The following THOC2 variants were observed in gnomAD, a reference collection of about 807,000 sequenced individuals.
The protein encoded by THOC2 is THO complex subunit 2.
In THOC2, 10 loss-of-function variants were observed where a neutral mutation model predicts 128.4. The ratio of observed to expected loss-of-function variants is 0.08; its 90% CI spans 0.05 to 0.13. The LOEUF (loss-of-function observed/expected upper bound fraction) is 0.13, where lower values mean the gene tolerates loss of function less well. Among genes scored for constraint, THOC2 ranks in the 10% least tolerant of loss-of-function variants. The pLI, the probability that THOC2 is intolerant of heterozygous loss-of-function variation, is 1.00. For missense variants in THOC2, 535 were observed against 1,155.7 expected (o/e 0.46, Z 7.79); for synonymous variants, 393 against 396.9 (o/e 0.99, Z 0.12).
intron 1 of THOC2, among the ~76,000 whole-genome samples, chrX:123,730,520 T>C (rs2052196489): frequency 1.8e-5 from 2 of 112,522 alleles, no homozygotes; most frequent in Non-Finnish European, 3.7e-5. Context: ...ATAAGAACTA[T>C]GACAGATAGC....
Position 123,621,532 on chromosome X carries a change from T to C in THOC2, c.3841A>G (p.Lys1281Glu). The change falls in exon 31 of 39, where the codon AAA (lysine) becomes GAA (glutamate). Residue 1281 changes from lysine (K) to glutamate (E), a missense_variant. This residue lies in a region of THOC2 where 116 missense variants were observed against 180.0 expected (regional missense o/e 0.64). Coordinates refer to ENST00000245838, the MANE Select transcript of THOC2 (RefSeq NM_001081550.2). Reference sequence around the variant, plus strand: ...GTAGTAGCTGGAGTCTTTTCTTTTTTCTCTTTTTCTTTCTCTTTCCCTTTT... The same window carrying C: ...GTAGTAGCTGGAGTCTTTTCTTTTTCCTCTTTTTCTTTCTCTTTCCCTTTT... ...KEKGKEKEKE[K>E]KEKTPATTPE... 1 of 1,178,148 alleles carries C rather than the reference T, an allele frequency of 8.5e-7. No individual in the cohort carries two copies. The highest frequency in any genetic ancestry group is 1.1e-6 in the Non-Finnish European group (1 of 883,106).
At chrX:123,669,563 G>A (rs1569403043) in intron 9 of THOC2, among the ~76,000 whole-genome samples, 3 of 111,232 alleles carry the variant, frequency 2.7e-5, no homozygotes, top group East Asian at 2.8e-4. Flanking sequence ...TGATCTGCCC[G>A]CCTTGGCCTC....
chrX:123,695,886 G>A, intron 7 of THOC2, 135 bp downstream of exon 7: 1 of 403,160 alleles, frequency 2.5e-6, no homozygotes. Flanking sequence ...AAAAGTAAAA[G>A]CTAAACACCT....
Position 123,621,513 on chromosome X carries a change from G to A in THOC2, c.3860C>T (p.Ala1287Val), listed in dbSNP as rs1158864651. The A allele has an allele frequency of 8.4e-7, 1 of 1,187,489 alleles. No individual in the cohort carries two copies. The highest frequency in any genetic ancestry group is 1.1e-6 in the Non-Finnish European group (1 of 888,604). Residue 1287 changes from alanine to valine, a missense_variant, in exon 31 of 39, where the codon GCT becomes GTT. Physicochemically the swap from Ala to Val is moderately conservative, Grantham distance 64. Coordinates refer to ENST00000245838, the MANE Select transcript of THOC2 (RefSeq NM_001081550.2). Reference sequence around the variant, plus strand: ...AAGTACCCTGGCCTCTGGAGTAGTAGCTGGAGTCTTTTCTTTTTTCTCTTT... The same window carrying A: ...AAGTACCCTGGCCTCTGGAGTAGTAACTGGAGTCTTTTCTTTTTTCTCTTT... ...KEKEKKEKTP[A>V]TTPEARVLGK...
At position 123,673,356 on chromosome X, in the gene THOC2, A is replaced by G. The variant is rs772928180; in HGVS notation, c.769-1595T>C. On this transcript the variant is annotated intron_variant, in intron 8 of 38. Coordinates refer to ENST00000245838, the MANE Select transcript of THOC2 (RefSeq NM_001081550.2). ...TCCATCTCAAAATAATTTTAAAAAC[A>G]TGTAAAAATAAATGCTTATAAATGG... Among the ~76,000 whole-genome samples, 9 of 112,286 alleles carry G rather than the reference A, an allele frequency of 8.0e-5. No homozygotes were observed. In the East Asian group the frequency reaches 2.5e-3, roughly 31 times the overall value.
chrX:123,664,838 T>C (rs1223807451), intron 12 of THOC2, among the ~76,000 whole-genome samples: 1 of 110,326 alleles, frequency 9.1e-6, no homozygotes, highest in Non-Finnish European at 1.9e-5. Context: ...TCCGTATGTA[T>C]GTTTTATTTC....
chrX:123,709,649 A>G (rs1427702690), intron 2 of THOC2, among the ~76,000 whole-genome samples: 5 of 111,536 alleles, frequency 4.5e-5, no homozygotes, highest in Non-Finnish European at 9.4e-5. Flanking sequence ...CGGGGTTTGA[A>G]TGTTGAAGAC....
intron 12 of THOC2, among the ~76,000 whole-genome samples, chrX:123,645,831 G>A (rs967198534): frequency 3.6e-5 from 4 of 111,279 alleles, no homozygotes; most frequent in South Asian, 3.8e-4. Context: ...GCATGGTGGC[G>A]CACACCTGTA....
At chrX:123,641,010 G>A (rs2047891082) in intron 15 of THOC2, among the ~76,000 whole-genome samples, 1 of 111,872 alleles carries the variant, frequency 8.9e-6, no homozygotes, top group South Asian at 3.7e-4. Context: ...TTGGTGTCAT[G>A]CAATGAAATG....
intron 12 of THOC2, among the ~76,000 whole-genome samples, chrX:123,660,987 A>G (rs1342309720): frequency 2.7e-5 from 3 of 112,600 alleles, no homozygotes; most frequent in Non-Finnish European, 5.6e-5. Context: ...ATTCAGCCAT[A>G]AAAAAGAATG....
chrX:123,634,160 T>A, intron 19 of THOC2, 90 bp from the exon 20 acceptor site: 1 of 459,653 alleles, frequency 2.2e-6, no homozygotes, highest in Non-Finnish European at 3.5e-6. Flanking sequence ...GAGAAACCCT[T>A]AATTATTTGT....
At chrX:123,615,455 G>A (rs1023789577) in intron 33 of THOC2, among the ~76,000 whole-genome samples, 20 of 110,680 alleles carry the variant, frequency 1.8e-4, no homozygotes, top group Admixed American at 3.8e-4. Context: ...GCAAGAGAAC[G>A]ATAGTCATAA....
At chrX:123,628,640 G>C (rs1363200167) in intron 22 of THOC2, among the ~76,000 whole-genome samples, 3 of 109,116 alleles carry the variant, frequency 2.7e-5, no homozygotes, top group African/African-American at 1.0e-4. Context: ...GAACCCCAGA[G>C]GCAGAAGTTG....
rs1412981435 is a variant in THOC2 at position 123,668,328 on chromosome X, A to G, written c.862-14T>C. The G allele has an allele frequency of 8.8e-7, 1 of 1,140,662 alleles. No homozygotes were observed. Among genetic ancestry groups the G allele is most frequent in the Admixed American group, 2.6e-5 (1 of 38,584 alleles). 94.0% of individuals were successfully genotyped at this position (1,140,662 alleles called of 1,213,427 possible). A position where few individuals can be genotyped will look rare whatever the true frequency, so the allele number is the denominator to read the frequency against. On this transcript the variant is annotated splice_polypyrimidine_tract_variant and intron_variant, in intron 9 of 38. Transcript: ENST00000245838. ...AGCCGGAAGAAGCTAAAAATGGTAC[A>G]TTAAAATTTCATAAAATAGCTAATA...
chrX:123,645,835 A>C (rs113940871), intron 12 of THOC2, among the ~76,000 whole-genome samples: 4,031 of 110,923 alleles, frequency 0.036, 205 homozygotes, highest in African/African-American at 0.12. Flanking sequence ...GGTGGCGCAC[A>C]CCTGTAGTCC....
At chrX:123,645,003 T>C (rs1056065389) in intron 13 of THOC2, 94 bp from the exon 14 acceptor site, 16 of 755,204 alleles carry the variant, frequency 2.1e-5, no homozygotes, top group East Asian at 2.0e-4. Context: ...TTACCATTTC[T>C]TAATAACATA....
At chrX:123,629,246 C>CAT (rs1556020483) in intron 22 of THOC2, among the ~76,000 whole-genome samples, 41 of 102,029 alleles carry the variant, frequency 4.0e-4, no homozygotes, top group African/African-American at 9.8e-4. Flanking sequence ...CACACACACA[C>CAT]ATATATATGA....
intron 33 of THOC2, among the ~76,000 whole-genome samples, chrX:123,614,515 T>C (rs1380773898): frequency 9.3e-6 from 1 of 107,498 alleles, no homozygotes; most frequent in Non-Finnish European, 1.9e-5. Context: ...ATATGAACAA[T>C]AGTGACTGGA....
chrX:123,611,050 G>A (rs1010518180), intron 37 of THOC2, 87 bp from the exon 38 acceptor site: 6 of 865,906 alleles, frequency 6.9e-6, no homozygotes, highest in Non-Finnish European at 1.0e-5. Flanking sequence ...CAGGTTGCAG[G>A]CCTAAATGGG....
Sources: gnomAD v4.1 joint callset for allele counts (sites outside exome capture counted in the v4.1 genomes callset) on GRCh38, gnomAD v4.1.1 for gene constraint, gnomAD v4.1.1 regional missense constraint, MANE v1.5 for transcripts, NCBI Gene and HGNC (gene_info 2026-07-23, HGNC 2026-07-21) for gene names.